The following ERO1B variants were observed in gnomAD, a reference collection of about 807,000 sequenced individuals.
ERO1B encodes endoplasmic reticulum oxidoreductase 1 beta, also known as ERO1-like protein beta.
Under a neutral mutation model 75.3 loss-of-function variants are expected in ERO1B, and 49 were observed. That is an observed-to-expected ratio of 0.65 (90% confidence interval 0.52 to 0.83). The LOEUF (loss-of-function observed/expected upper bound fraction) is 0.83, where lower values mean the gene tolerates loss of function less well. Ranked by LOEUF, ERO1B falls within the 40% of genes least tolerant of loss-of-function variation. ERO1B has a pLI of 0.00. For missense variants in ERO1B, 512 were observed against 560.1 expected, an observed-to-expected ratio of 0.91 and a Z score of 0.87; for synonymous variants, 191 against 192.9, an observed-to-expected ratio of 0.99 and a Z score of 0.08.
intron 2 of ERO1B, among the ~76,000 whole-genome samples, chr1:236,264,000 G>C (rs1334505746): frequency 6.6e-6 from 1 of 151,448 alleles, no homozygotes. Flanking sequence ...TGAAGATATT[G>C]ACTTTTTGTA....
intron 2 of ERO1B, among the ~76,000 whole-genome samples, chr1:236,268,121 C>T (rs1028296870): frequency 6.6e-6 from 1 of 152,180 alleles, no homozygotes; most frequent in African/African-American, 2.4e-5. Flanking sequence ...AAACATACAT[C>T]ACCTTTTTTG....
intron 4 of ERO1B, chr1:236,251,525 G>A: frequency 1.1e-6 from 1 of 923,402 alleles, no homozygotes; most frequent in Non-Finnish European, 1.3e-6. Flanking sequence ...GAGACAGAGA[G>A]AGAGGGTATG....
chr1:236,276,008 G>C (rs1294594261), intron 1 of ERO1B, among the ~76,000 whole-genome samples: 4 of 152,202 alleles, frequency 2.6e-5, no homozygotes, highest in Admixed American at 1.3e-4. Flanking sequence ...ATCTAACAGA[G>C]TGAATCATAT....
At chr1:236,250,697 T>C (rs1665004383) in intron 4 of ERO1B, among the ~76,000 whole-genome samples, 4 of 130,910 alleles carry the variant, frequency 3.1e-5, no homozygotes, top group Non-Finnish European at 6.5e-5. Flanking sequence ...AAGTTATATA[T>C]ACACACACAT....
intron 1 of ERO1B, among the ~76,000 whole-genome samples, chr1:236,272,799 T>G (rs746181385): frequency 1.1e-4 from 16 of 152,178 alleles, no homozygotes; most frequent in Non-Finnish European, 2.1e-4. Context: ...GAGGTTTTTT[T>G]CCCCCATTTT....
rs563572029 is a variant in ERO1B, at chr1:236,226,512, G to C, written c.809C>G (p.Thr270Ser). 8.7e-6 allele frequency: 14 copies of C among 1,608,640 alleles called. No individual in the cohort carries two copies. Among genetic ancestry groups the C allele is most frequent in the South Asian group, 1.1e-5 (1 of 89,652 alleles). The stretch of plus-strand genomic sequence containing the variant: ...AGGTCCCCAACTGGGCTTACCCCAG[G>C]TTTCTAAAGAGAAAGAGAAATACAT... ...HLCANYLLEE[T>S]WGKPSWGPNI... The change falls in exon 12 of 16, where the codon ACC becomes AGC. Residue 270 changes from threonine (T) to serine (S), a missense_variant. By Grantham distance (58) the Thr-to-Ser change is moderately conservative. Coordinates refer to ENST00000354619, the MANE Select transcript of ERO1B (RefSeq NM_019891.4).
rs781489179 is a variant in ERO1B, at chr1:236,230,212, C to T, written c.712+12G>A. The T allele has an allele frequency of 6.3e-7, 1 of 1,581,826 alleles. No individual in the cohort carries two copies. The highest frequency in any genetic ancestry group is 8.6e-7 in the Non-Finnish European group (1 of 1,156,666). ...AACAAAAAATCCAATAAATTTAGAACAGACTGTTTACCTTCTAGCCATGTG... is the reference window on the plus strand; with the variant it reads ...AACAAAAAATCCAATAAATTTAGAATAGACTGTTTACCTTCTAGCCATGTG... On this transcript the variant is annotated intron_variant, in intron 10 of 15. Coordinates refer to ENST00000354619, the MANE Select transcript of ERO1B (RefSeq NM_019891.4).
chr1:236,278,314 T>G (rs574788779), intron 1 of ERO1B, among the ~76,000 whole-genome samples: 2 of 152,064 alleles, frequency 1.3e-5, no homozygotes, highest in Non-Finnish European at 2.9e-5. Flanking sequence ...TTATTCCCTT[T>G]ACTTAGAATG....
chr1:236,254,746 G>A (rs1665120094), intron 2 of ERO1B, among the ~76,000 whole-genome samples: 1 of 151,874 alleles, frequency 6.6e-6, no homozygotes, highest in Non-Finnish European at 1.5e-5. Flanking sequence ...CCAAGTAGCT[G>A]GGATTACAGG....
At chr1:236,273,058 G>A (rs944197155) in intron 1 of ERO1B, among the ~76,000 whole-genome samples, 1 of 152,182 alleles carries the variant, frequency 6.6e-6, no homozygotes, top group African/African-American at 2.4e-5. Context: ...ATTTTTGCAT[G>A]GCAAAGGGGA....
At chr1:236,279,843 CA>C (rs60949594) in intron 1 of ERO1B, among the ~76,000 whole-genome samples, 40,508 of 134,802 alleles carry the variant, frequency 0.3, 5,436 homozygotes, top group South Asian at 0.36. Flanking sequence ...GACACTATCT[CA>C]AAAAAAAAAA....
At position 236,280,087 on chromosome 1, in the gene ERO1B, A is replaced by G. The variant is rs148768212; in HGVS notation, c.102+1595T>C. The stretch of plus-strand genomic sequence containing the variant: ...GAGGCTCGCTGGAGGCCAGGAGTTG[A>G]AGATCAGCCTAATAACATAGTCCCC... On this transcript the variant is annotated intron_variant, in intron 1 of 15. Transcript: ENST00000354619. 3.3e-5 allele frequency among the ~76,000 whole-genome samples: 5 copies of G among 152,330 alleles called. No individual in the cohort carries two copies. The East Asian group carries it at 7.7e-4, about 23-fold the overall frequency.
At chr1:236,278,011 G>A (rs898657062) in intron 1 of ERO1B, among the ~76,000 whole-genome samples, 2 of 152,026 alleles carry the variant, frequency 1.3e-5, no homozygotes, top group Admixed American at 1.3e-4. Context: ...TGTTTCTGTT[G>A]TCTAATATCT....
intron 6 of ERO1B, among the ~76,000 whole-genome samples, chr1:236,237,116 C>CTTTTTTTTTTTT (rs67072171): frequency 9.5e-6 from 1 of 105,482 alleles, no homozygotes; most frequent in African/African-American, 3.4e-5. Context: ...ACTATTTGGA[C>CTTTTTTTTTTTT]TTTTTTTTTT....
rs761397976 is a variant in ERO1B, at chr1:236,218,576, C to T, written c.1344G>A (p.Arg448=). The stretch of plus-strand genomic sequence containing the variant: ...GTAAGTCTCTTATACTTGTAGAAAG[C>T]CTATGGAAGAAAGAAAAAGCTTATT... ...EIVALLNAFG[R]LSTSIRDLQN... Residue 448 remains arginine (R), a splice_region_variant and synonymous_variant, in exon 16 of 16, where the codon AGG becomes AGA. Transcript: ENST00000354619. The T allele has an allele frequency of 3.2e-5, 44 of 1,358,144 alleles. 1 individual carries two copies. The South Asian group carries it at 8.1e-4, about 25-fold the overall frequency. 84.1% of individuals were successfully genotyped at this position (1,358,144 alleles called of 1,614,324 possible). A position where few individuals can be genotyped will look rare whatever the true frequency, so the allele number is the denominator to read the frequency against.
At position 236,249,928 on chromosome 1, in the gene ERO1B, A is replaced by T. The variant is rs1161174507; in HGVS notation, c.388T>A (p.Cys130Ser). 1 of 1,604,822 alleles carries T rather than the reference A, an allele frequency of 6.2e-7. No homozygotes were observed. The highest frequency in any genetic ancestry group is 2.2e-5 in the East Asian group (1 of 44,454). ...MANNTKELED[C>S]EQANKLGAIN... is the part of the protein sequence containing the mutation. ...GCTCCCAGTTTATTAGCTTGCTCAC[A>T]ATCTTCTAATTCTTTGGTATTGTTT... Residue 130 changes from cysteine (C) to serine (S), a missense_variant, in exon 5 of 16, where the codon TGT becomes AGT. Physicochemically the swap from Cys to Ser is moderately radical, Grantham distance 112. Coordinates refer to ENST00000354619, the MANE Select transcript of ERO1B (RefSeq NM_019891.4).
At chr1:236,229,079 C>G (rs1486663159) in intron 10 of ERO1B, among the ~76,000 whole-genome samples, 1 of 152,140 alleles carries the variant, frequency 6.6e-6, no homozygotes, top group Non-Finnish European at 1.5e-5. Context: ...AGAATTTGCA[C>G]ATCAATAATG....
intron 2 of ERO1B, among the ~76,000 whole-genome samples, chr1:236,263,704 T>C (rs951042506): frequency 2.0e-5 from 3 of 151,840 alleles, no homozygotes; most frequent in Non-Finnish European, 4.4e-5. Flanking sequence ...AGGTTTTGCA[T>C]ACTTCTTGAT....
At chr1:236,237,073 T>C (rs886699844) in intron 6 of ERO1B, among the ~76,000 whole-genome samples, 1 of 151,748 alleles carries the variant, frequency 6.6e-6, no homozygotes, top group Non-Finnish European at 1.5e-5. Context: ...ATTTTCCATA[T>C]TGAAACCCAA....
Sources: gnomAD v4.1 joint callset for allele counts (sites outside exome capture counted in the v4.1 genomes callset) on GRCh38, gnomAD v4.1.1 for gene constraint, MANE v1.5 for transcripts, NCBI Gene and HGNC (gene_info 2026-07-23, HGNC 2026-07-21) for gene names.